SLC25A21: variants seen among roughly 807,000 people sequenced by gnomAD.
SLC25A21 encodes the protein solute carrier family 25 member 21.
A neutral mutation model predicts 43.8 loss-of-function variants in SLC25A21; 47 were observed. That is an observed-to-expected ratio of 1.07 (90% CI 0.85 to 1.37). SLC25A21 has a LOEUF of 1.37. SLC25A21 is among the 40% of genes most tolerant of loss of function. The pLI is 0.00. For missense variants in SLC25A21, 352 were observed against 350.2 expected (o/e 1.00, Z -0.04); for synonymous variants, 131 against 121.3 (o/e 1.08, Z -0.52).
chr14:37,010,365 C>A (rs551454064), intron 1 of SLC25A21, among the ~76,000 whole-genome samples: 15 of 152,328 alleles, frequency 9.8e-5, no homozygotes, highest in Admixed American at 3.9e-4. Context: ...CTCCTATTGC[C>A]ATAGGTGAAA....
chr14:37,104,570 T>C (rs2138868615), intron 1 of SLC25A21, among the ~76,000 whole-genome samples: 2 of 152,338 alleles, frequency 1.3e-5, no homozygotes. Context: ...TATATTTATA[T>C]TACTATGGCC....
intron 1 of SLC25A21, among the ~76,000 whole-genome samples, chr14:37,140,681 T>G (rs918183049): frequency 6.6e-6 from 1 of 152,204 alleles, no homozygotes; most frequent in Non-Finnish European, 1.5e-5. Context: ...AAGTATTTAT[T>G]TATAAAAACA....
intron 3 of SLC25A21, among the ~76,000 whole-genome samples, chr14:36,743,904 C>T (rs747120532): frequency 2.6e-5 from 4 of 152,044 alleles, no homozygotes; most frequent in Non-Finnish European, 4.4e-5. Flanking sequence ...ATAACCAAAT[C>T]GAGAACTGAA....
At chr14:36,977,462 T>C (rs1049780423) in intron 1 of SLC25A21, among the ~76,000 whole-genome samples, 1 of 152,154 alleles carries the variant, frequency 6.6e-6, no homozygotes, top group African/African-American at 2.4e-5. Context: ...CCAGAAATAA[T>C]ACAGAATCTC....
rs575035716 is a variant in SLC25A21 at position 37,041,844 on chromosome 14, C to T, written c.70+130437G>A. On this transcript the variant is annotated intron_variant, in intron 1 of 9. Coordinates refer to ENST00000331299, the MANE Select transcript of SLC25A21 (RefSeq NM_030631.4). Reference sequence around the variant, plus strand: ...AGGAACTCCAGTTCTCTCAATAGCACTTCCACAAAGACTAGGAAAGCCTTC... The same window carrying T: ...AGGAACTCCAGTTCTCTCAATAGCATTTCCACAAAGACTAGGAAAGCCTTC... Among the ~76,000 whole-genome samples the T allele has an allele frequency of 2.0e-5, 3 of 152,280 alleles. No individual in the cohort carries two copies. In the East Asian group the frequency reaches 5.8e-4, roughly 29 times the overall value.
intron 1 of SLC25A21, 124 bp downstream of exon 1, chr14:37,172,157 G>A (rs909974136): frequency 2.9e-6 from 3 of 1,029,566 alleles, no homozygotes; most frequent in Non-Finnish European, 4.2e-6. Context: ...GCACTGCTCC[G>A]GGAGCGCTGA....
chr14:36,874,654 A>G (rs1455711503), intron 2 of SLC25A21, among the ~76,000 whole-genome samples: 3 of 152,228 alleles, frequency 2.0e-5, no homozygotes, highest in African/African-American at 7.2e-5. Context: ...TCCACTGGAT[A>G]AAGTTTAGTT....
At chr14:36,856,678 C>T (rs543486182) in intron 2 of SLC25A21, among the ~76,000 whole-genome samples, 50 of 152,284 alleles carry the variant, frequency 3.3e-4, no homozygotes, top group Non-Finnish European at 4.3e-4. Flanking sequence ...CGCCCTGGCA[C>T]GTTGCTGGTA....
At chr14:37,084,172 C>A (rs892460371) in intron 1 of SLC25A21, among the ~76,000 whole-genome samples, 1 of 152,180 alleles carries the variant, frequency 6.6e-6, no homozygotes, top group Non-Finnish European at 1.5e-5. Context: ...CCTCCCCCCA[C>A]CTTATGTCCT....
intron 1 of SLC25A21, among the ~76,000 whole-genome samples, chr14:37,040,581 T>C (rs761112296): frequency 1.6e-4 from 24 of 151,928 alleles, no homozygotes; most frequent in Non-Finnish European, 2.4e-4. Flanking sequence ...GTGAGACTTA[T>C]TGAAGGCATC....
At chr14:36,705,291 C>T (rs932399810) in intron 7 of SLC25A21, among the ~76,000 whole-genome samples, 1 of 152,028 alleles carries the variant, frequency 6.6e-6, no homozygotes, top group East Asian at 1.9e-4. Context: ...GTGATCCACC[C>T]GCCTCAGCCT....
intron 3 of SLC25A21, among the ~76,000 whole-genome samples, chr14:36,789,861 A>T (rs1258617539): frequency 9.4e-6 from 1 of 106,080 alleles, no homozygotes; most frequent in Non-Finnish European, 1.8e-5. Context: ...ATATATTTAT[A>T]TAAAAATATA....
intron 1 of SLC25A21, among the ~76,000 whole-genome samples, chr14:36,994,916 C>T (rs1288685164): frequency 6.6e-6 from 1 of 152,140 alleles, no homozygotes. Flanking sequence ...TGCACTAGTT[C>T]TCATATTTCT....
intron 4 of SLC25A21, among the ~76,000 whole-genome samples, chr14:36,729,777 G>A (rs1030901127): frequency 3.9e-5 from 6 of 152,132 alleles, no homozygotes; most frequent in Admixed American, 2.0e-4. Flanking sequence ...ATAACCTACA[G>A]AAGAGCTGAT....
Position 36,761,221 on chromosome 14 carries a change from C to T in SLC25A21, c.204-26648G>A, listed in dbSNP as rs138637235. Among the ~76,000 whole-genome samples, 15 of 152,310 alleles carry T rather than the reference C, an allele frequency of 9.8e-5. No individual in the cohort carries two copies. The South Asian group carries it at 1.2e-3, about 13-fold the overall frequency. Reference sequence around the variant, plus strand: ...CATTTTCTCCTGGCTTTGGTTGGCACGGCCGGCCTGTGGGGTGCGACTCTA... The same window carrying T: ...CATTTTCTCCTGGCTTTGGTTGGCATGGCCGGCCTGTGGGGTGCGACTCTA... On this transcript the variant is annotated intron_variant, in intron 3 of 9. Transcript: ENST00000331299.
At chr14:36,889,908 T>G (rs1446964142) in intron 1 of SLC25A21, among the ~76,000 whole-genome samples, 1 of 152,196 alleles carries the variant, frequency 6.6e-6, no homozygotes, top group Non-Finnish European at 1.5e-5. Context: ...CTTTGCAACA[T>G]TAAATTCTTT....
chr14:37,064,164 A>G (rs995742318), intron 1 of SLC25A21, among the ~76,000 whole-genome samples: 4 of 152,038 alleles, frequency 2.6e-5, no homozygotes, highest in African/African-American at 4.8e-5. Context: ...CTCCCTCCCT[A>G]CTGGAATTAG....
At chr14:37,048,996 A>G (rs1267313941) in intron 1 of SLC25A21, among the ~76,000 whole-genome samples, 2 of 152,148 alleles carry the variant, frequency 1.3e-5, no homozygotes, top group African/African-American at 4.8e-5. Flanking sequence ...GTTTCTTAAT[A>G]CAATGCTGAA....
intron 3 of SLC25A21, among the ~76,000 whole-genome samples, chr14:36,799,787 T>C (rs928180628): frequency 2.0e-5 from 3 of 152,204 alleles, no homozygotes; most frequent in African/African-American, 7.2e-5. Flanking sequence ...TCTTTCCCTA[T>C]AGGATTGTTC....
Sources: allele counts gnomAD v4.1 joint callset (sites outside exome capture counted in the v4.1 genomes callset), GRCh38; gene constraint gnomAD v4.1.1; transcripts MANE v1.5; gene names NCBI Gene and HGNC (gene_info 2026-07-23, HGNC 2026-07-21).